The following PHLDB2 variants were observed in gnomAD, a reference collection of about 807,000 sequenced individuals.
PHLDB2 encodes pleckstrin homology like domain family B member 2.
In PHLDB2, 71 loss-of-function variants were observed where a neutral mutation model predicts 123.6. The observed-to-expected ratio is 0.57, with a 90% CI of 0.47 to 0.70. PHLDB2 has a LOEUF of 0.70. Ranked by LOEUF, PHLDB2 falls within the 30% of genes least tolerant of loss-of-function variation. The pLI is 0.00. For missense variants in PHLDB2, 1,446 were observed against 1,519.5 expected, an observed-to-expected ratio of 0.95 and a Z score of 0.80; for synonymous variants, 547 against 541.6, an observed-to-expected ratio of 1.01 and a Z score of -0.14.
At position 111,798,004 on chromosome 3, in the gene PHLDB2, C is replaced by T. The variant is rs144609130; in HGVS notation, c.-48-47817C>T. On this transcript the variant is annotated intron_variant, in intron 1 of 17. Coordinates refer to the PHLDB2 transcript ENST00000393923. ...AGAACATTAGCTAAGTGTAATGGTG[C>T]ATGCTAGTAGTCCCAGCTACCTGGG... is the stretch of plus-strand genomic sequence containing the variant. Among the ~76,000 whole-genome samples, 235 of 152,240 alleles carry T rather than the reference C, an allele frequency of 1.5e-3. 1 individual carries two copies. Among genetic ancestry groups the T allele is most frequent in the African/African-American group, 5.5e-3 (227 of 41,548 alleles).
intron 1 of PHLDB2, among the ~76,000 whole-genome samples, chr3:111,866,853 G>T (rs2065108189): frequency 6.6e-6 from 1 of 151,762 alleles, no homozygotes; most frequent in Admixed American, 6.6e-5. Flanking sequence ...ACTTGATCAG[G>T]ATCCTTGGTT....
intron 12 of PHLDB2, among the ~76,000 whole-genome samples, chr3:111,955,174 G>A (rs1435911800): frequency 1.6e-5 from 2 of 121,868 alleles, no homozygotes; most frequent in African/African-American, 2.9e-5. Flanking sequence ...TCACTGGAAC[G>A]AGGTTTTCAA....
At chr3:111,822,745 G>A (rs1028137373) in intron 1 of PHLDB2, among the ~76,000 whole-genome samples, 1 of 152,122 alleles carries the variant, frequency 6.6e-6, no homozygotes, top group Non-Finnish European at 1.5e-5. Context: ...TACCTCCTTG[G>A]TCCAAATTCC....
At chr3:111,751,511 C>T (rs191901299) in intron 1 of PHLDB2, among the ~76,000 whole-genome samples, 4 of 151,800 alleles carry the variant, frequency 2.6e-5, no homozygotes, top group Non-Finnish European at 4.4e-5. Flanking sequence ...TCCCTCAGTG[C>T]CCAGGAAAAA....
At chr3:111,914,513 G>A (rs1224842125) in intron 3 of PHLDB2, 1 of 152,144 alleles carries the variant, frequency 6.6e-6, no homozygotes, top group Non-Finnish European at 1.5e-5. Flanking sequence ...TAGCCAAATT[G>A]ATAGAAGTTT....
At chr3:111,928,853 C>T (rs1183672212) in intron 5 of PHLDB2, among the ~76,000 whole-genome samples, 1 of 152,140 alleles carries the variant, frequency 6.6e-6, no homozygotes, top group South Asian at 2.1e-4. Flanking sequence ...TAGGAAAGTC[C>T]CATTCTGTTT....
chr3:111,748,520 A>C (rs1315341406), intron 1 of PHLDB2, among the ~76,000 whole-genome samples: 1 of 151,356 alleles, frequency 6.6e-6, no homozygotes, highest in Admixed American at 6.6e-5. Flanking sequence ...GTTTATTGTC[A>C]CCTCTTTTTT....
intron 2 of PHLDB2, among the ~76,000 whole-genome samples, chr3:111,896,360 C>G (rs71616129): frequency 4.7e-5 from 7 of 148,408 alleles, no homozygotes; most frequent in Non-Finnish European, 7.4e-5. Flanking sequence ...CTTCCCCCGC[C>G]CCGAGACGGA....
intron 1 of PHLDB2, among the ~76,000 whole-genome samples, chr3:111,763,698 C>T (rs190658714): frequency 1.3e-3 from 195 of 152,134 alleles, no homozygotes; most frequent in African/African-American, 4.6e-3. Flanking sequence ...GGAGGTGATT[C>T]GATCACGAGG....
chr3:111,801,941 G>C (rs971580429), intron 1 of PHLDB2, among the ~76,000 whole-genome samples: 1 of 151,414 alleles, frequency 6.6e-6, no homozygotes, highest in African/African-American at 2.4e-5. Context: ...AGCAGTGATG[G>C]TTGCACAACT....
chr3:111,787,111 C>G (rs2060709411), intron 1 of PHLDB2, among the ~76,000 whole-genome samples: 1 of 152,108 alleles, frequency 6.6e-6, no homozygotes, highest in South Asian at 2.1e-4. Flanking sequence ...CCTAGTAGAC[C>G]AACAATTATG....
chr3:111,737,174 T>G (rs2059521358), intron 1 of PHLDB2, among the ~76,000 whole-genome samples: 1 of 152,220 alleles, frequency 6.6e-6, no homozygotes, highest in Admixed American at 6.5e-5. Context: ...TAAGATGTTC[T>G]GAAGGGTCCG....
At chr3:111,778,087 C>T (rs1229984038) in intron 1 of PHLDB2, among the ~76,000 whole-genome samples, 1 of 152,050 alleles carries the variant, frequency 6.6e-6, no homozygotes, top group Non-Finnish European at 1.5e-5. Flanking sequence ...CTCTGTAGGT[C>T]TTCATTTTGA....
intron 1 of PHLDB2, among the ~76,000 whole-genome samples, chr3:111,757,379 C>G (rs1032041447): frequency 3.3e-5 from 5 of 152,170 alleles, no homozygotes; most frequent in Non-Finnish European, 7.3e-5. Context: ...AACTTCCCTT[C>G]TCGCTTCATT....
At chr3:111,837,299 C>T (rs901805491) in intron 1 of PHLDB2, among the ~76,000 whole-genome samples, 2 of 152,118 alleles carry the variant, frequency 1.3e-5, no homozygotes. Context: ...TCTTACGCAA[C>T]CTTGTACAAT....
intron 1 of PHLDB2, among the ~76,000 whole-genome samples, chr3:111,805,412 T>A (rs1230921099): frequency 1.3e-5 from 2 of 151,380 alleles, no homozygotes; most frequent in African/African-American, 4.9e-5. Flanking sequence ...TACAAAAAAA[T>A]TAGCTGGGCA....
intron 1 of PHLDB2, among the ~76,000 whole-genome samples, chr3:111,866,037 T>TTTTTTTTTTTTTTTA (rs2065061824): frequency 7.5e-6 from 1 of 132,914 alleles, no homozygotes; most frequent in Non-Finnish European, 1.7e-5. Context: ...TTTTTTTTTT[T>TTTTTTTTTTTTTTTA]TGGAGACAGA....
At chr3:111,742,650 T>C (rs1038916612) in intron 1 of PHLDB2, among the ~76,000 whole-genome samples, 1 of 152,222 alleles carries the variant, frequency 6.6e-6, no homozygotes, top group African/African-American at 2.4e-5. Context: ...TCGTCCTTTT[T>C]TATGGCTGCA....
chr3:111,742,043 G>A (rs957126363), intron 1 of PHLDB2, among the ~76,000 whole-genome samples: 2 of 152,146 alleles, frequency 1.3e-5, no homozygotes, highest in Admixed American at 6.5e-5. Context: ...ATTGTATGCT[G>A]AGTCTACTCT....
Sources: gnomAD v4.1 joint callset for allele counts (sites outside exome capture counted in the v4.1 genomes callset) on GRCh38, gnomAD v4.1.1 for gene constraint, MANE v1.5 for transcripts, NCBI Gene and HGNC (gene_info 2026-07-23, HGNC 2026-07-21) for gene names.